FBXL20: variants seen among roughly 807,000 people sequenced by gnomAD.
The protein encoded by FBXL20 is F-box/LRR-repeat protein 20.
FBXL20 carries 11 observed loss-of-function variants against 64.0 expected under a neutral mutation model. The ratio of observed to expected loss-of-function variants is 0.17; its 90% CI spans 0.11 to 0.28. The LOEUF is 0.28. Among genes scored for constraint, FBXL20 ranks in the 10% least tolerant of loss-of-function variants. The pLI is 1.00. For missense variants in FBXL20, 303 were observed against 526.2 expected (o/e 0.58, Z 4.15); for synonymous variants, 184 against 189.0 (o/e 0.97, Z 0.22).
chr17:39,349,324 C>CAAAAAA (rs1170336581), intron 1 of FBXL20, among the ~76,000 whole-genome samples: 8 of 40,516 alleles, frequency 2.0e-4, no homozygotes, highest in Non-Finnish European at 3.3e-4. Context: ...GATTCCATCT[C>CAAAAAA]AAAAAAAAAA....
At chr17:39,401,045 A>G (rs2048236694) in intron 1 of FBXL20, among the ~76,000 whole-genome samples, 1 of 152,224 alleles carries the variant, frequency 6.6e-6, no homozygotes, top group Non-Finnish European at 1.5e-5. Flanking sequence ...GGCTGGGTGG[A>G]AGGAGGCAAG....
At position 39,254,358 on chromosome 17, in the gene FBXL20, T is replaced by G. The variant is rs2046676398; in HGVS notation, c.*7102A>C. On this transcript the variant is annotated 3_prime_UTR_variant, in exon 15 of 15. Transcript: ENST00000264658. ...CACCACGCCTGGCTGCAAAGTTTTC[T>G]TCTTCCAATTTAACAAAAAAGACGT... 6.6e-6 allele frequency: 1 copy of G among 152,398 alleles called. No individual in the cohort carries two copies. Among genetic ancestry groups the G allele is most frequent in the Admixed American group, 6.5e-5 (1 of 15,284 alleles). 9.4% of individuals were successfully genotyped at this position (152,398 alleles called of 1,614,324 possible). A position where few individuals can be genotyped will look rare whatever the true frequency, so the allele number is the denominator to read the frequency against.
intron 2 of FBXL20, among the ~76,000 whole-genome samples, chr17:39,318,486 AT>A: frequency 6.6e-6 from 1 of 152,218 alleles, no homozygotes. Context: ...CACGCCTGTA[AT>A]CCCAGCACTT....
At chr17:39,384,738 C>G (rs1597834300) in intron 1 of FBXL20, among the ~76,000 whole-genome samples, 2 of 151,862 alleles carry the variant, frequency 1.3e-5, no homozygotes, top group African/African-American at 4.8e-5. Context: ...AGGCAGATCA[C>G]AAGTTCTTCA....
chr17:39,359,066 G>A (rs899406760), intron 1 of FBXL20, among the ~76,000 whole-genome samples: 2 of 152,184 alleles, frequency 1.3e-5, no homozygotes, highest in Admixed American at 1.3e-4. Context: ...AGGCGCAGTG[G>A]CTCACGCCTA....
rs758140112 is a variant in FBXL20 at position 39,258,731 on chromosome 17, A to T, written c.*2729T>A. 6.6e-6 allele frequency: 1 copy of T among 152,242 alleles called. No homozygotes were observed. Among genetic ancestry groups the T allele is most frequent in the Non-Finnish European group, 1.5e-5 (1 of 68,038 alleles). 9.4% of individuals were successfully genotyped at this position (152,242 alleles called of 1,614,324 possible). ...CTAATCAATCTGGGTTTTATGGTCA[A>T]TTTGTACAGGCACTAAAACAACAAC... On this transcript the variant is annotated 3_prime_UTR_variant, in exon 15 of 15. Coordinates refer to ENST00000264658, the MANE Select transcript of FBXL20 (RefSeq NM_032875.3).
chr17:39,341,939 A>G (rs2047586922), intron 2 of FBXL20, among the ~76,000 whole-genome samples: 1 of 152,228 alleles, frequency 6.6e-6, no homozygotes, highest in Non-Finnish European at 1.5e-5. Context: ...GAAAGAGCAC[A>G]AGTAGGCAAT....
chr17:39,399,557 A>G (rs935366333), intron 1 of FBXL20, among the ~76,000 whole-genome samples: 1 of 152,214 alleles, frequency 6.6e-6, no homozygotes, highest in Non-Finnish European at 1.5e-5. Context: ...TATTAAGTGA[A>G]TAGCTTTTAG....
chr17:39,262,080 A>G (rs2046751706), intron 14 of FBXL20, among the ~76,000 whole-genome samples: 1 of 151,912 alleles, frequency 6.6e-6, no homozygotes, highest in Non-Finnish European at 1.5e-5. Context: ...GTAAGTAGGC[A>G]CGTAAGAGGC....
rs530823308 is a variant in FBXL20 at position 39,392,431 on chromosome 17, T to C, written c.42+8930A>G. On this transcript the variant is annotated intron_variant, in intron 1 of 14. Transcript: ENST00000264658. ...TCCCAGCCTGGGCAACAGAGTGAGA[T>C]TGTCTCCAAAAAAAAAAAAAAAAAG... Among the ~76,000 whole-genome samples, 46 of 128,356 alleles carry C rather than the reference T, an allele frequency of 3.6e-4. No individual in the cohort carries two copies. In the Middle Eastern group the frequency reaches 0.023, roughly 64 times the overall value. 84.2% of individuals were successfully genotyped at this position (128,356 alleles called of 152,430 possible). A position where few individuals can be genotyped will look rare whatever the true frequency, so the allele number is the denominator to read the frequency against.
intron 6 of FBXL20, among the ~76,000 whole-genome samples, chr17:39,289,317 G>T (rs2047016688): frequency 6.6e-6 from 1 of 152,146 alleles, no homozygotes; most frequent in Admixed American, 6.6e-5. Flanking sequence ...TATTGGAACT[G>T]CACTGAATCT....
At chr17:39,265,547 C>T (rs2046783277) in intron 12 of FBXL20, 94 bp from the exon 13 acceptor site, 2 of 944,094 alleles carry the variant, frequency 2.1e-6, no homozygotes, top group East Asian at 5.2e-5. Context: ...GCTCTGTTGC[C>T]CAGGCTAGAG....
intron 11 of FBXL20, 62 bp from the exon 12 acceptor site, chr17:39,268,933 T>C (rs995590565): frequency 1.4e-6 from 2 of 1,451,696 alleles, no homozygotes; most frequent in South Asian, 1.2e-5. Context: ...TGAGAAACTT[T>C]TAAGGACAGA....
At chr17:39,295,770 T>C (rs2047078364) in intron 6 of FBXL20, among the ~76,000 whole-genome samples, 1 of 148,134 alleles carries the variant, frequency 6.8e-6, no homozygotes, top group South Asian at 2.1e-4. Context: ...TTTTTGAAAA[T>C]ATGCAAATAT....
chr17:39,293,097 T>G (rs1174757058), intron 6 of FBXL20, among the ~76,000 whole-genome samples: 1 of 152,058 alleles, frequency 6.6e-6, no homozygotes, highest in Non-Finnish European at 1.5e-5. Flanking sequence ...CTGGCCAACA[T>G]GTCTTACAAT....
At chr17:39,303,080 C>T (rs898977670) in intron 3 of FBXL20, among the ~76,000 whole-genome samples, 7 of 151,912 alleles carry the variant, frequency 4.6e-5, no homozygotes, top group African/African-American at 1.7e-4. Flanking sequence ...GTATGTGTTA[C>T]GCATGTATTC....
At chr17:39,280,394 T>A (rs1188637387) in intron 9 of FBXL20, among the ~76,000 whole-genome samples, 1 of 86,422 alleles carries the variant, frequency 1.2e-5, no homozygotes, top group African/African-American at 4.3e-5. Flanking sequence ...ACAGTGAGAC[T>A]CTGTCTCAAA....
chr17:39,399,006 T>C (rs2048214979), intron 1 of FBXL20, among the ~76,000 whole-genome samples: 1 of 152,182 alleles, frequency 6.6e-6, no homozygotes, highest in African/African-American at 2.4e-5. Context: ...TTTTTTTCTA[T>C]AGCTCTAACC....
intron 2 of FBXL20, among the ~76,000 whole-genome samples, chr17:39,337,952 G>A (rs1223574841): frequency 5.3e-5 from 8 of 151,350 alleles, no homozygotes; most frequent in African/African-American, 1.2e-4. Context: ...TGCCCCGTCC[G>A]GGAGGTGAGG....
Sources: allele counts gnomAD v4.1 joint callset (sites outside exome capture counted in the v4.1 genomes callset), GRCh38; gene constraint gnomAD v4.1.1; transcripts MANE v1.5; gene names NCBI Gene and HGNC (gene_info 2026-07-23, HGNC 2026-07-21).